SLC24A3: variants seen among roughly 807,000 people sequenced by gnomAD.
SLC24A3 encodes the protein sodium/potassium/calcium exchanger 3.
In SLC24A3, 28 loss-of-function variants were observed where a neutral mutation model predicts 75.8. The ratio of observed to expected loss-of-function variants is 0.37; its 90% confidence interval spans 0.27 to 0.51. The LOEUF is 0.51. Among genes scored for constraint, SLC24A3 ranks in the 20% least tolerant of loss-of-function variants. SLC24A3 has a pLI of 0.94. For missense variants in SLC24A3, 663 were observed against 847.8 expected (o/e 0.78, Z 2.71); for synonymous variants, 372 against 334.1 (o/e 1.11, Z -1.24).
intron 3 of SLC24A3, among the ~76,000 whole-genome samples, chr20:19,524,113 C>T (rs1055207646): frequency 2.6e-5 from 4 of 152,132 alleles, no homozygotes; most frequent in Admixed American, 6.6e-5. Flanking sequence ...AATAAGCCCT[C>T]GCTGTCTGCC....
At chr20:19,661,876 GGTT>G (rs1275761927) in intron 7 of SLC24A3, among the ~76,000 whole-genome samples, 1 of 152,060 alleles carries the variant, frequency 6.6e-6, no homozygotes, top group Non-Finnish European at 1.5e-5. Flanking sequence ...CAGCTCTCTG[GGTT>G]GTTCTGATAT....
At chr20:19,682,751 T>G (rs2032629553) in intron 10 of SLC24A3, among the ~76,000 whole-genome samples, 1 of 152,198 alleles carries the variant, frequency 6.6e-6, no homozygotes, top group Admixed American at 6.5e-5. Context: ...TAGATCCAAA[T>G]TCACTTTAAG....
At chr20:19,497,068 G>T (rs1988300632) in intron 2 of SLC24A3, among the ~76,000 whole-genome samples, 1 of 152,114 alleles carries the variant, frequency 6.6e-6, no homozygotes, top group Non-Finnish European at 1.5e-5. Flanking sequence ...CCAGCGATTT[G>T]CCCCATGGCC....
At chr20:19,491,003 A>C (rs1038914800) in intron 2 of SLC24A3, among the ~76,000 whole-genome samples, 1 of 152,230 alleles carries the variant, frequency 6.6e-6, no homozygotes, top group African/African-American at 2.4e-5. Context: ...TCATATTTTA[A>C]AATACGGAAC....
At chr20:19,353,386 T>C (rs576063298) in intron 2 of SLC24A3, among the ~76,000 whole-genome samples, 2 of 151,362 alleles carry the variant, frequency 1.3e-5, no homozygotes, top group African/African-American at 4.9e-5. Flanking sequence ...CATAGCTATT[T>C]AAAAAAAAAT....
At chr20:19,520,672 T>C (rs2030082159) in intron 3 of SLC24A3, among the ~76,000 whole-genome samples, 2 of 152,132 alleles carry the variant, frequency 1.3e-5, no homozygotes, top group Admixed American at 6.5e-5. Flanking sequence ...CTCCTTTTGG[T>C]GTCTGCATGG....
chr20:19,234,531 T>G (rs1410286278), intron 1 of SLC24A3, among the ~76,000 whole-genome samples: 1 of 152,146 alleles, frequency 6.6e-6, no homozygotes, highest in South Asian at 2.1e-4. Flanking sequence ...CCTAGCAATA[T>G]TGAGAGAGAA....
intron 2 of SLC24A3, among the ~76,000 whole-genome samples, chr20:19,373,967 C>G (rs770305842): frequency 1.6e-4 from 24 of 152,172 alleles, no homozygotes; most frequent in Admixed American, 3.3e-4. Context: ...GGTTGAATAA[C>G]TGGATGAAGG....
intron 1 of SLC24A3, among the ~76,000 whole-genome samples, chr20:19,263,033 T>TTGTGTG (rs11473481): frequency 0.2 from 28,540 of 142,992 alleles, 2,786 homozygotes; most frequent in Middle Eastern, 0.29. Context: ...ACTCCAGCCT[T>TTGTGTG]TGTGTGTGTG....
intron 2 of SLC24A3, among the ~76,000 whole-genome samples, chr20:19,482,978 G>A (rs1429582160): frequency 6.6e-6 from 1 of 152,206 alleles, no homozygotes; most frequent in Non-Finnish European, 1.5e-5. Context: ...TGTTGCTGTG[G>A]TCTTTCCCTT....
intron 2 of SLC24A3, among the ~76,000 whole-genome samples, chr20:19,390,988 G>A (rs1353515983): frequency 6.6e-6 from 1 of 152,192 alleles, no homozygotes; most frequent in Non-Finnish European, 1.5e-5. Flanking sequence ...GGGCTCTGGA[G>A]GCTGGCCTGG....
intron 2 of SLC24A3, among the ~76,000 whole-genome samples, chr20:19,310,344 T>C (rs1984430319): frequency 6.6e-6 from 1 of 152,286 alleles, no homozygotes; most frequent in South Asian, 2.1e-4. Context: ...TTTCAAAAGT[T>C]CCCAGGTGGT....
chr20:19,427,057 G>A (rs1369387460), intron 2 of SLC24A3, among the ~76,000 whole-genome samples: 10 of 152,174 alleles, frequency 6.6e-5, no homozygotes, highest in Middle Eastern at 3.4e-3. Context: ...CTGTGTGTGC[G>A]TGTGTGTGTG....
chr20:19,312,955 G>A (rs1984494005), intron 2 of SLC24A3, among the ~76,000 whole-genome samples: 1 of 150,660 alleles, frequency 6.6e-6, no homozygotes, highest in Non-Finnish European at 1.5e-5. Flanking sequence ...CTTTGTAGCA[G>A]TGTCAGGACC....
intron 2 of SLC24A3, among the ~76,000 whole-genome samples, chr20:19,441,420 GCA>G (rs1160785431): frequency 1.3e-5 from 2 of 152,168 alleles, no homozygotes; most frequent in Non-Finnish European, 2.9e-5. Context: ...TGGACTCAAT[GCA>G]CAGTCCCCAC....
At chr20:19,484,890 A>G (rs546460128) in intron 2 of SLC24A3, among the ~76,000 whole-genome samples, 1 of 152,344 alleles carries the variant, frequency 6.6e-6, no homozygotes, top group South Asian at 2.1e-4. Flanking sequence ...CTTTAAAAAT[A>G]GGTGTGTATT....
chr20:19,432,670 C>A (rs565938111), intron 2 of SLC24A3, among the ~76,000 whole-genome samples: 1 of 152,152 alleles, frequency 6.6e-6, no homozygotes, highest in South Asian at 2.1e-4. Context: ...TATTGCACTG[C>A]GGAGACTGGC....
At chr20:19,231,042 C>G (rs879805627) in intron 1 of SLC24A3, among the ~76,000 whole-genome samples, 1 of 152,018 alleles carries the variant, frequency 6.6e-6, no homozygotes, top group African/African-American at 2.4e-5. Context: ...TATGGTTTAC[C>G]CCACGTAATT....
intron 3 of SLC24A3, among the ~76,000 whole-genome samples, chr20:19,549,250 T>C (rs1447319829): frequency 2.0e-5 from 3 of 152,222 alleles, no homozygotes; most frequent in Admixed American, 6.5e-5. Flanking sequence ...CTTTACACCA[T>C]GATTAAAAGA....
Sources: gnomAD v4.1 joint callset for allele counts (sites outside exome capture counted in the v4.1 genomes callset) on GRCh38, gnomAD v4.1.1 for gene constraint, MANE v1.5 for transcripts, NCBI Gene and HGNC (gene_info 2026-07-23, HGNC 2026-07-21) for gene names.